The following CFAP61 variants were observed in gnomAD, a reference collection of about 807,000 sequenced individuals.
CFAP61 encodes the protein cilia and flagella associated protein 61, also known as cilia- and flagella-associated protein 61.
CFAP61 carries 107 observed loss-of-function variants against 135.6 expected under a neutral mutation model. The ratio of observed to expected loss-of-function variants is 0.79; its 90% CI spans 0.67 to 0.93. CFAP61 has a LOEUF of 0.93. CFAP61 is among the 40% of genes least tolerant of loss of function. The pLI, the probability that CFAP61 is intolerant of heterozygous loss-of-function variation, is 0.00. For synonymous variants in CFAP61, 575 were observed against 578.5 expected (o/e 0.99, Z 0.09); for missense variants, 1,507 against 1,556.2 (o/e 0.97, Z 0.53).
intron 17 of CFAP61, among the ~76,000 whole-genome samples, chr20:20,222,492 T>C (rs1023926440): frequency 7.9e-5 from 12 of 152,088 alleles, no homozygotes; most frequent in African/African-American, 1.4e-4. Context: ...AGTTTACACT[T>C]TTTCCGAAGT....
At chr20:20,081,485 T>G (rs2046428010) in intron 6 of CFAP61, among the ~76,000 whole-genome samples, 1 of 152,206 alleles carries the variant, frequency 6.6e-6, no homozygotes, top group Non-Finnish European at 1.5e-5. Flanking sequence ...CTTTCACTTT[T>G]TAGTAAGGTA....
intron 17 of CFAP61, chr20:20,225,988 GA>G (rs1277178808): frequency 6.6e-6 from 1 of 152,178 alleles, no homozygotes; most frequent in African/African-American, 2.4e-5. Context: ...TTTATTTGAA[GA>G]ACATGCACTT....
At chr20:20,079,101 T>G (rs2046254274) in intron 6 of CFAP61, among the ~76,000 whole-genome samples, 2 of 152,190 alleles carry the variant, frequency 1.3e-5, no homozygotes, top group African/African-American at 4.8e-5. Context: ...CAGATGAACT[T>G]TGGGTGAGAG....
At chr20:20,060,207 A>C (rs1337556481) in intron 2 of CFAP61, among the ~76,000 whole-genome samples, 1 of 152,210 alleles carries the variant, frequency 6.6e-6, no homozygotes, top group Non-Finnish European at 1.5e-5. Context: ...TCAATTTAGA[A>C]TTGTGACATT....
At chr20:20,341,053 G>A (rs534371067) in intron 25 of CFAP61, among the ~76,000 whole-genome samples, 10 of 152,118 alleles carry the variant, frequency 6.6e-5, no homozygotes, top group Admixed American at 2.0e-4. Flanking sequence ...TCCCCTGTGC[G>A]CACACACAAC....
chr20:20,286,468 A>C (rs1436081520), intron 22 of CFAP61, among the ~76,000 whole-genome samples: 1 of 152,250 alleles, frequency 6.6e-6, no homozygotes, highest in African/African-American at 2.4e-5. Context: ...TGAATGCATG[A>C]ATGAATGAAG....
chr20:20,089,398 A>G lies in CFAP61; in HGVS notation c.567-1446A>G, dbSNP rs537177964. 9.2e-5 allele frequency among the ~76,000 whole-genome samples: 14 copies of G among 152,096 alleles called. No individual in the cohort carries two copies. In the South Asian group the frequency reaches 2.7e-3, roughly 29 times the overall value. On this transcript the variant is annotated intron_variant, in intron 6 of 26. Coordinates refer to ENST00000245957, the MANE Select transcript of CFAP61 (RefSeq NM_015585.4). The stretch of plus-strand genomic sequence containing the variant: ...AAAGCCCTGAGCTTTATATATATAT[A>G]TATATACTGATCACTCAGTAGATGG...
At chr20:20,202,274 C>G (rs1197662020) in intron 17 of CFAP61, among the ~76,000 whole-genome samples, 1 of 152,156 alleles carries the variant, frequency 6.6e-6, no homozygotes, top group Non-Finnish European at 1.5e-5. Flanking sequence ...GATTCTAACA[C>G]AGATGCCTGC....
chr20:20,240,452 G>A (rs369298646), intron 18 of CFAP61, among the ~76,000 whole-genome samples: 1 of 152,232 alleles, frequency 6.6e-6, no homozygotes, highest in East Asian at 1.9e-4. Context: ...TGCTCCTTTA[G>A]GCCCAGGATC....
intron 25 of CFAP61, among the ~76,000 whole-genome samples, chr20:20,311,343 C>T (rs1051997262): frequency 1.1e-4 from 17 of 152,208 alleles, no homozygotes; most frequent in African/African-American, 3.6e-4. Context: ...TTGGGAGGAA[C>T]CAGACTTACC....
intron 2 of CFAP61, among the ~76,000 whole-genome samples, chr20:20,058,062 A>G (rs1403221186): frequency 6.6e-6 from 1 of 152,198 alleles, no homozygotes; most frequent in Non-Finnish European, 1.5e-5. Flanking sequence ...AATATTAAAT[A>G]TCCTAGTATT....
At chr20:20,272,781 T>A (rs2053458786) in intron 21 of CFAP61, among the ~76,000 whole-genome samples, 1 of 152,208 alleles carries the variant, frequency 6.6e-6, no homozygotes, top group African/African-American at 2.4e-5. Context: ...TTTGACTGTG[T>A]CTCTGCCCCC....
chr20:20,355,126 G>C (rs1214466626), intron 26 of CFAP61, among the ~76,000 whole-genome samples: 2 of 147,778 alleles, frequency 1.4e-5, no homozygotes, highest in Admixed American at 1.3e-4. Flanking sequence ...GTCACACTGT[G>C]AGGGGAGGTG....
chr20:20,272,595 C>A (rs1254032116), intron 21 of CFAP61, among the ~76,000 whole-genome samples: 2 of 152,146 alleles, frequency 1.3e-5, no homozygotes, highest in African/African-American at 4.8e-5. Context: ...AACTGTCAGC[C>A]CCAACACCTC....
intron 24 of CFAP61, among the ~76,000 whole-genome samples, chr20:20,297,203 C>T (rs1054565584): frequency 2.0e-5 from 3 of 152,258 alleles, no homozygotes; most frequent in East Asian, 1.9e-4. Flanking sequence ...AAAGTTAAAC[C>T]GTGTGTCCTT....
chr20:20,228,040 G>C (rs2048866274), intron 17 of CFAP61, among the ~76,000 whole-genome samples: 1 of 152,196 alleles, frequency 6.6e-6, no homozygotes, highest in Non-Finnish European at 1.5e-5. Context: ...ATGTGACCTA[G>C]CTGGGATGTC....
In CFAP61 at chr20:20,126,311, T is replaced by G. The variant is rs569579567; in HGVS notation, c.860-16546T>G. On this transcript the variant is annotated intron_variant, in intron 8 of 26. Transcript: ENST00000245957. ...TTAACATGTATTTTTGTATAGGTCCTGTGTGATTTATACTTTAAAGAGGTT... is the reference window on the plus strand; with the variant it reads ...TTAACATGTATTTTTGTATAGGTCCGGTGTGATTTATACTTTAAAGAGGTT... 5.5e-4 allele frequency among the ~76,000 whole-genome samples: 84 copies of G among 152,046 alleles called. No individual in the cohort carries two copies. The South Asian group carries it at 8.5e-3, about 15-fold the overall frequency.
At chr20:20,323,131 C>T (rs776590244) in intron 25 of CFAP61, 1 of 985,444 alleles carries the variant, frequency 1.0e-6, no homozygotes, top group Non-Finnish European at 1.2e-6. Context: ...CAACTTCTTC[C>T]CGCCAAGGCT....
chr20:20,263,432 T>C (rs2052432049), intron 21 of CFAP61, among the ~76,000 whole-genome samples: 7 of 152,224 alleles, frequency 4.6e-5, no homozygotes, highest in Admixed American at 4.6e-4. Flanking sequence ...TAAAGAATAA[T>C]TTAATAAGCA....
Sources: gnomAD v4.1 joint callset for allele counts (sites outside exome capture counted in the v4.1 genomes callset) on GRCh38, gnomAD v4.1.1 for gene constraint, MANE v1.5 for transcripts, NCBI Gene and HGNC (gene_info 2026-07-23, HGNC 2026-07-21) for gene names.